ZNRF3: variants seen among roughly 807,000 people sequenced by gnomAD.
The protein encoded by ZNRF3 is E3 ubiquitin-protein ligase ZNRF3.
In ZNRF3, 23 loss-of-function variants were observed where a neutral mutation model predicts 72.5. The observed-to-expected ratio is 0.32, with a 90% CI of 0.23 to 0.45. The LOEUF is 0.45. Ranked by LOEUF, ZNRF3 falls within the 20% of genes least tolerant of loss-of-function variation. ZNRF3 has a pLI of 1.00. For synonymous variants in ZNRF3, 610 were observed against 545.3 expected (o/e 1.12, Z -1.65); for missense variants, 1,169 against 1,272.1 (o/e 0.92, Z 1.23).
intron 1 of ZNRF3, among the ~76,000 whole-genome samples, chr22:28,952,277 A>G (rs1458120856): frequency 6.6e-6 from 1 of 152,168 alleles, no homozygotes; most frequent in Admixed American, 6.5e-5. Context: ...GCTAAGTCCC[A>G]TGTCCCCCAG....
chr22:28,918,153 C>T (rs2034441827), intron 1 of ZNRF3, among the ~76,000 whole-genome samples: 1 of 152,142 alleles, frequency 6.6e-6, no homozygotes, highest in African/African-American at 2.4e-5. Context: ...GACTCAAATG[C>T]CCAACTCCCC....
chr22:28,959,081 T>A (rs370227816), intron 1 of ZNRF3, among the ~76,000 whole-genome samples: 159 of 152,364 alleles, frequency 1.0e-3, no homozygotes, highest in African/African-American at 3.6e-3. Context: ...AGTTTTGTCC[T>A]GCAGCCTTGG....
intron 1 of ZNRF3, among the ~76,000 whole-genome samples, chr22:28,941,124 G>A (rs1279947220): frequency 1.3e-5 from 2 of 152,140 alleles, no homozygotes; most frequent in Non-Finnish European, 2.9e-5. Flanking sequence ...TAGGGTAGGG[G>A]ACTTGGAAAT....
At chr22:28,967,429 A>T (rs1474639938) in intron 1 of ZNRF3, among the ~76,000 whole-genome samples, 1 of 152,116 alleles carries the variant, frequency 6.6e-6, no homozygotes, top group East Asian at 1.9e-4. Context: ...TCAGAACATG[A>T]CCCCTGTCAT....
At chr22:28,971,481 A>T (rs1258299937) in intron 1 of ZNRF3, among the ~76,000 whole-genome samples, 1 of 152,226 alleles carries the variant, frequency 6.6e-6, no homozygotes, top group African/African-American at 2.4e-5. Flanking sequence ...TAAGACAGCT[A>T]GCATGAAAGT....
chr22:29,043,673 C>A (rs1807315898), intron 4 of ZNRF3, among the ~76,000 whole-genome samples: 1 of 152,194 alleles, frequency 6.6e-6, no homozygotes, highest in Admixed American at 6.5e-5. Context: ...CTGGCCTCTT[C>A]CACCTGGCAT....
chr22:28,925,130 A>G (rs2123772627), intron 1 of ZNRF3, among the ~76,000 whole-genome samples: 1 of 152,304 alleles, frequency 6.6e-6, no homozygotes, highest in African/African-American at 2.4e-5. Flanking sequence ...TGCTTAGCAA[A>G]TCTTGCTGAC....
chr22:28,926,542 G>A (rs987368054), intron 1 of ZNRF3, among the ~76,000 whole-genome samples: 6 of 150,714 alleles, frequency 4.0e-5, no homozygotes, highest in Non-Finnish European at 7.4e-5. Context: ...GCATGGTGGC[G>A]CACACCTGTA....
chr22:28,970,471 A>G (rs2035550128), intron 1 of ZNRF3, among the ~76,000 whole-genome samples: 1 of 152,372 alleles, frequency 6.6e-6, no homozygotes, highest in African/African-American at 2.4e-5. Context: ...ATAAAGCTCA[A>G]CATACACCTA....
At chr22:29,046,072 C>G (rs2037063498) in intron 5 of ZNRF3, among the ~76,000 whole-genome samples, 1 of 152,206 alleles carries the variant, frequency 6.6e-6, no homozygotes, top group African/African-American at 2.4e-5. Flanking sequence ...GCTTGATTAA[C>G]AGTAGCTGCT....
intron 2 of ZNRF3, among the ~76,000 whole-genome samples, chr22:29,012,758 A>G (rs1329939295): frequency 6.6e-6 from 1 of 152,192 alleles, no homozygotes; most frequent in Non-Finnish European, 1.5e-5. Flanking sequence ...TAGTCTTAAC[A>G]TAGGAAGGAT....
Position 29,030,460 on chromosome 22 carries a change from G to C in ZNRF3, c.427-12035G>C, listed in dbSNP as rs925703431. Among the ~76,000 whole-genome samples, 1 of 152,184 alleles carries C rather than the reference G, an allele frequency of 6.6e-6. No individual in the cohort carries two copies. Among genetic ancestry groups the C allele is most frequent in the Non-Finnish European group, 1.5e-5 (1 of 68,036 alleles). On this transcript the variant is annotated intron_variant, in intron 2 of 8. Coordinates refer to ENST00000544604, the MANE Select transcript of ZNRF3 (RefSeq NM_001206998.2). The surrounding 1 kb of genome is among the most constrained non-coding windows in gnomAD (Gnocchi z 4.2). ...CCACTAACTTAACCGCTGAATTCTC[G>C]CTGCTACATGTCTCCTAAATAGATC... is the stretch of plus-strand genomic sequence containing the variant.
At chr22:29,043,227 C>T (rs2037000759) in intron 3 of ZNRF3, 72 bp from the exon 4 acceptor site, 2 of 1,534,604 alleles carry the variant, frequency 1.3e-6, no homozygotes, top group Admixed American at 2.0e-5. Flanking sequence ...TCCTTCCCTC[C>T]AGCCTTTCTT....
intron 1 of ZNRF3, among the ~76,000 whole-genome samples, chr22:28,914,188 C>A (rs962797851): frequency 1.1e-4 from 16 of 152,158 alleles, no homozygotes; most frequent in Admixed American, 2.0e-4. Flanking sequence ...GGGTTGGCAT[C>A]CTGGATTTCG....
chr22:29,038,599 G>C (rs2036905451), intron 2 of ZNRF3, among the ~76,000 whole-genome samples: 1 of 152,132 alleles, frequency 6.6e-6, no homozygotes, highest in African/African-American at 2.4e-5. Context: ...CGAAAGTGCT[G>C]AGATTACAGG....
intron 2 of ZNRF3, among the ~76,000 whole-genome samples, chr22:29,007,322 G>A (rs2036269540): frequency 6.6e-6 from 1 of 152,150 alleles, no homozygotes. Context: ...CCTAATAAGT[G>A]GACAAAACGT....
rs746170391 is a variant in ZNRF3 at position 28,987,071 on chromosome 22, C to T, written c.301-5C>T. On this transcript the variant is annotated splice_polypyrimidine_tract_variant and splice_region_variant and intron_variant, in intron 1 of 8. Transcript: ENST00000544604. ...CTGAAGTTTTCTTTCCATTTTATTT[C>T]CTAGATGCACCCACTGGGCCTATGT... 1 of 1,605,118 alleles carries T rather than the reference C, an allele frequency of 6.2e-7. No individual in the cohort carries two copies. The highest frequency in any genetic ancestry group is 1.7e-5 in the Admixed American group (1 of 58,246).
chr22:29,017,894 A>T, intron 2 of ZNRF3: 1 of 460,056 alleles, frequency 2.2e-6, no homozygotes. Flanking sequence ...CAGAGAAAGG[A>T]GGCTTTTAGA....
chr22:28,971,371 A>G (rs2035571945), intron 1 of ZNRF3, among the ~76,000 whole-genome samples: 1 of 152,134 alleles, frequency 6.6e-6, no homozygotes. Context: ...TCATAAACAG[A>G]TGACTTGATG....
Sources: allele counts gnomAD v4.1 joint callset (sites outside exome capture counted in the v4.1 genomes callset), GRCh38; gene constraint gnomAD v4.1.1; non-coding constraint Gnocchi (gnomAD v3.1); transcripts MANE v1.5; gene names NCBI Gene and HGNC (gene_info 2026-07-23, HGNC 2026-07-21).